Variants in ASB17 observed in about 807,000 individuals in gnomAD.
ASB17 encodes the protein ankyrin repeat and SOCS box protein 17.
Under a neutral mutation model 25.7 loss-of-function variants are expected in ASB17, and 26 were observed. That is an observed-to-expected ratio of 1.01 (90% CI 0.74 to 1.40). The LOEUF is 1.40. Ranked by LOEUF, ASB17 falls within the 40% of genes most tolerant of loss-of-function variation. The pLI is 0.00. For missense variants in ASB17, 326 were observed against 338.5 expected (o/e 0.96, Z 0.29); for synonymous variants, 128 against 121.4 (o/e 1.05, Z -0.36).
chr1:75,929,561 A>T (rs966333927), intron 1 of ASB17, among the ~76,000 whole-genome samples: 8 of 152,008 alleles, frequency 5.3e-5, no homozygotes, highest in African/African-American at 1.9e-4. Flanking sequence ...TGAATGTTAT[A>T]CCCCTTGTAT....
intron 2 of ASB17, among the ~76,000 whole-genome samples, chr1:75,920,115 A>T (rs1557540657): frequency 6.6e-6 from 1 of 152,246 alleles, no homozygotes; most frequent in Non-Finnish European, 1.5e-5. Flanking sequence ...GGTTGGACAC[A>T]GACAACCTAA....
intron 1 of ASB17, 121 bp from the exon 2 acceptor site, chr1:75,922,480 A>ATT: frequency 3.3e-6 from 1 of 305,628 alleles, no homozygotes; most frequent in Admixed American, 6.2e-5. Flanking sequence ...ATGTAACTTT[A>ATT]TATGTTTCTT....
At chr1:75,922,029 C>A in intron 2 of ASB17, 51 bp downstream of exon 2, 1 of 1,452,398 alleles carries the variant, frequency 6.9e-7, no homozygotes. Context: ...ACAGTTGAAT[C>A]TTAAGATTCA....
At chr1:75,931,825 A>G in intron 1 of ASB17, 66 bp downstream of exon 1, 1 of 1,427,624 alleles carries the variant, frequency 7.0e-7, no homozygotes, top group South Asian at 1.5e-5. Flanking sequence ...TTTAGAAAAA[A>G]GAAGCACTCT....
Position 75,922,271 on chromosome 1 carries a change from T to C in ASB17, c.490A>G (p.Lys164Glu), listed in dbSNP as rs1461316697. 1.2e-6 allele frequency: 2 copies of C among 1,613,410 alleles called. No individual in the cohort carries two copies. The highest frequency in any genetic ancestry group is 1.7e-6 in the Non-Finnish European group (2 of 1,179,518). ...VAQTRQSNIFKILLQYGILER... is the reference protein window; with the variant it reads ...VAQTRQSNIFEILLQYGILER... ...AAGATTCCATATTGCAGTAGTATTT[T>C]GAAGATATTAGACTGTCTTGTCTGA... Residue 164 changes from lysine (K) to glutamate (E), a missense_variant, in exon 2 of 3, where the codon AAA becomes GAA. Lys to Glu is a moderately conservative substitution (Grantham distance 56). Transcript: ENST00000284142.
At chr1:75,920,429 T>G (rs756703387) in intron 2 of ASB17, among the ~76,000 whole-genome samples, 5 of 152,212 alleles carry the variant, frequency 3.3e-5, no homozygotes, top group Non-Finnish European at 7.3e-5. Flanking sequence ...AGTATATGCT[T>G]AGCATTGTGA....
intron 2 of ASB17, among the ~76,000 whole-genome samples, chr1:75,920,166 A>G (rs1652988922): frequency 6.6e-6 from 1 of 152,220 alleles, no homozygotes; most frequent in Non-Finnish European, 1.5e-5. Context: ...ATTGTAGAGT[A>G]AAGCTTCATA....
In ASB17 at chr1:75,932,280, A is replaced by C; in HGVS notation, c.12T>G (p.Ser4=). The C allele has an allele frequency of 1.9e-6, 3 of 1,607,366 alleles. No individual in the cohort carries two copies. Among genetic ancestry groups the C allele is most frequent in the Non-Finnish European group, 2.5e-6 (3 of 1,176,532 alleles). Residue 4 remains serine, a synonymous_variant, in exon 1 of 3, where the codon TCT becomes TCG. Transcript: ENST00000284142. MSK[S]TKLCGKTSCP... is the part of the protein sequence containing the mutation. Reference sequence around the variant, plus strand: ...AAGAAGTCTTACCACATAATTTAGTAGATTTACTCATTGTTACTTATAGCA... The same window carrying C: ...AAGAAGTCTTACCACATAATTTAGTCGATTTACTCATTGTTACTTATAGCA...
At chr1:75,931,246 G>A (rs1231364072) in intron 1 of ASB17, among the ~76,000 whole-genome samples, 1 of 152,128 alleles carries the variant, frequency 6.6e-6, no homozygotes, top group Non-Finnish European at 1.5e-5. Flanking sequence ...ATTAAAGTTA[G>A]TGCAAACTAG....
chr1:75,932,177 C>G lies in ASB17; in HGVS notation c.115G>C (p.Gly39Arg), dbSNP rs763072264. The change falls in exon 1 of 3, where the codon GGA becomes CGA. Residue 39 changes from glycine to arginine, a missense_variant. Coordinates refer to ENST00000284142, the MANE Select transcript of ASB17 (RefSeq NM_080868.3). ...ATCCTTGGTTCGTAACAGTGATATC[C>G]CCACTGACCCAAAAACTGTAGGGAG... ...RPSLQFLGQW[G>R]YHCYEPRIYR... 6.2e-7 allele frequency: 1 copy of G among 1,614,010 alleles called. No individual in the cohort carries two copies. The highest frequency in any genetic ancestry group is 8.5e-7 in the Non-Finnish European group (1 of 1,179,974).
At chr1:75,927,801 CT>C (rs1301944006) in intron 1 of ASB17, among the ~76,000 whole-genome samples, 2 of 152,128 alleles carry the variant, frequency 1.3e-5, no homozygotes, top group Non-Finnish European at 2.9e-5. Flanking sequence ...GCTGATAAAT[CT>C]TTTTAATTGT....
intron 1 of ASB17, among the ~76,000 whole-genome samples, chr1:75,930,754 A>T (rs1377533039): frequency 1.3e-5 from 2 of 152,078 alleles, no homozygotes; most frequent in South Asian, 2.1e-4. Context: ...TTTAATTTTT[A>T]AAAATTTATT....
chr1:75,922,075 C>A lies in ASB17; in HGVS notation c.681+5G>T. 6.3e-7 allele frequency: 1 copy of A among 1,592,490 alleles called. No individual in the cohort carries two copies. The highest frequency in any genetic ancestry group is 1.3e-5 in the African/African-American group (1 of 74,226). ...AGCCCATTTTTTTTAAAGTAGTTTT[C>A]TTACCTTTATTTCCTTGACTGAAAT... On this transcript the variant is annotated splice_donor_5th_base_variant and intron_variant, in intron 2 of 2. Coordinates refer to ENST00000284142, the MANE Select transcript of ASB17 (RefSeq NM_080868.3).
In ASB17 at chr1:75,932,387, C is replaced by T; in HGVS notation, c.-96G>A. 1 of 1,140,006 alleles carries T rather than the reference C, an allele frequency of 8.8e-7. No homozygotes were observed. 70.6% of individuals were successfully genotyped at this position (1,140,006 alleles called of 1,614,324 possible). A position where few individuals can be genotyped will look rare whatever the true frequency, so the allele number is the denominator to read the frequency against. On this transcript the variant is annotated 5_prime_UTR_variant, in exon 1 of 3. The change creates a new upstream start codon in the 5' untranslated region. Coordinates refer to ENST00000284142, the MANE Select transcript of ASB17 (RefSeq NM_080868.3). ...TGACAATGTGGCAGGCTTTACTCCA[C>T]AAACAGAAGTGCCCTTTAAACTGTA...
At chr1:75,919,755 A>G (rs1380325442) in intron 2 of ASB17, among the ~76,000 whole-genome samples, 1 of 152,140 alleles carries the variant, frequency 6.6e-6, no homozygotes, top group Non-Finnish European at 1.5e-5. Flanking sequence ...CATGGTGTAT[A>G]TGTGCCACAT....
At chr1:75,925,051 A>G (rs1653134071) in intron 1 of ASB17, among the ~76,000 whole-genome samples, 1 of 152,150 alleles carries the variant, frequency 6.6e-6, no homozygotes, top group Non-Finnish European at 1.5e-5. Flanking sequence ...CCTCTAAAAG[A>G]TAGTAATTTC....
At position 75,932,369 on chromosome 1, in the gene ASB17, G is replaced by C; in HGVS notation, c.-78C>G. 7.4e-7 allele frequency: 1 copy of C among 1,356,648 alleles called. No homozygotes were observed. 84.0% of individuals were successfully genotyped at this position (1,356,648 alleles called of 1,614,324 possible). On this transcript the variant is annotated 5_prime_UTR_variant, in exon 1 of 3. Coordinates refer to ENST00000284142, the MANE Select transcript of ASB17 (RefSeq NM_080868.3). ...TCCTCCAGTTACATATTTTGACAATGTGGCAGGCTTTACTCCACAAACAGA... is the reference window on the plus strand; with the variant it reads ...TCCTCCAGTTACATATTTTGACAATCTGGCAGGCTTTACTCCACAAACAGA...
Position 75,918,897 on chromosome 1 carries a change from C to G in ASB17, c.*55G>C. ...CTTACATGAAGTGAATTTTTATTAACTTCTAAGCCATACATTGGTAAGCAT... is the reference window on the plus strand; with the variant it reads ...CTTACATGAAGTGAATTTTTATTAAGTTCTAAGCCATACATTGGTAAGCAT... On this transcript the variant is annotated 3_prime_UTR_variant, in exon 3 of 3. Transcript: ENST00000284142. 1 of 1,417,962 alleles carries G rather than the reference C, an allele frequency of 7.1e-7. No homozygotes were observed. Among genetic ancestry groups the G allele is most frequent in the East Asian group, 2.3e-5 (1 of 43,600 alleles). The allele number at this position is 1,417,962 out of a possible 1,614,324, so 87.8% of individuals were successfully genotyped here.
chr1:75,919,136 T>A lies in ASB17; in HGVS notation c.704A>T (p.His235Leu), dbSNP rs771148215. ...ATCAAACCAATTTGAAATAATTGGATGTCTTCCTAAACTCAGCTGTGTCTG... is the reference window on the plus strand; with the variant it reads ...ATCAAACCAATTTGAAATAATTGGAAGTCTTCCTAAACTCAGCTGTGTCTG... ...EIKTQLSLGR[H>L]PIISNWFDYI... Residue 235 changes from histidine (H) to leucine (L), a missense_variant, in exon 3 of 3, where the codon CAT (histidine) becomes CTT (leucine). Coordinates refer to ENST00000284142, the MANE Select transcript of ASB17 (RefSeq NM_080868.3). 1.2e-6 allele frequency: 2 copies of A among 1,612,260 alleles called. No homozygotes were observed. Among genetic ancestry groups the A allele is most frequent in the African/African-American group, 2.7e-5 (2 of 74,892 alleles).
Sources: gnomAD v4.1 joint callset for allele counts (sites outside exome capture counted in the v4.1 genomes callset) on GRCh38, gnomAD v4.1.1 for gene constraint, MANE v1.5 for transcripts, NCBI Gene and HGNC (gene_info 2026-07-23, HGNC 2026-07-21) for gene names.